Variants in DGKB observed in about 807,000 individuals in gnomAD.
DGKB encodes 90 kDa diacylglycerol kinase.
Under a neutral mutation model 114.3 loss-of-function variants are expected in DGKB, and 67 were observed. That is an observed-to-expected ratio of 0.59 (90% confidence interval 0.48 to 0.72). DGKB has a LOEUF of 0.72. Among genes scored for constraint, DGKB ranks in the 30% least tolerant of loss-of-function variants. DGKB has a pLI of 0.00. For missense variants in DGKB, 907 were observed against 975.2 expected, an observed-to-expected ratio of 0.93 and a Z score of 0.93; for synonymous variants, 398 against 323.1, an observed-to-expected ratio of 1.23 and a Z score of -2.49.
intron 20 of DGKB, among the ~76,000 whole-genome samples, chr7:14,490,654 AACTTCTTCCAGTTGTC>A (rs1784471413): frequency 1.3e-5 from 2 of 152,172 alleles, no homozygotes; most frequent in African/African-American, 4.8e-5. Flanking sequence ...GCTTTGAACT[AACTTCTTCCAGTTGTC>A]CTGGGAAAAG....
intron 2 of DGKB, among the ~76,000 whole-genome samples, chr7:14,834,866 G>A (rs1846934162): frequency 6.6e-6 from 1 of 152,026 alleles, no homozygotes; most frequent in South Asian, 2.1e-4. Flanking sequence ...CCAAAGTTTT[G>A]CATCTTTAGG....
At chr7:14,727,357 T>C (rs1262918460) in intron 5 of DGKB, among the ~76,000 whole-genome samples, 1 of 152,174 alleles carries the variant, frequency 6.6e-6, no homozygotes, top group African/African-American at 2.4e-5. Context: ...GCAGTAATTA[T>C]GTTAAAAACA....
At chr7:14,757,543 T>G in intron 3 of DGKB, 112 bp downstream of exon 3, 1 of 608,034 alleles carries the variant, frequency 1.6e-6, no homozygotes, top group Non-Finnish European at 2.9e-6. Context: ...AATGTATATG[T>G]GTACATATAC....
At chr7:14,871,944 T>C (rs1378094527) in intron 1 of DGKB, among the ~76,000 whole-genome samples, 1 of 152,178 alleles carries the variant, frequency 6.6e-6, no homozygotes, top group African/African-American at 2.4e-5. Context: ...CTGAAGTTTT[T>C]TGCTAAAGCT....
chr7:14,226,917 C>G (rs186220807), intron 23 of DGKB, among the ~76,000 whole-genome samples: 2 of 152,118 alleles, frequency 1.3e-5, no homozygotes, highest in East Asian at 3.9e-4. Context: ...TCTCATTTAT[C>G]TATTTAATGG....
chr7:14,508,751 G>C (rs1197326937), intron 20 of DGKB, among the ~76,000 whole-genome samples: 1 of 152,138 alleles, frequency 6.6e-6, no homozygotes, highest in Non-Finnish European at 1.5e-5. Context: ...TTGTGGTATA[G>C]ATGACCTATT....
At chr7:14,688,187 C>G (rs767703069) in intron 9 of DGKB, among the ~76,000 whole-genome samples, 9 of 152,102 alleles carry the variant, frequency 5.9e-5, no homozygotes, top group African/African-American at 4.8e-5. Context: ...TTTCTATCAG[C>G]CAGTAGAGCA....
At chr7:14,671,215 G>A (rs1156372451) in intron 13 of DGKB, among the ~76,000 whole-genome samples, 1 of 152,048 alleles carries the variant, frequency 6.6e-6, no homozygotes, top group East Asian at 1.9e-4. Flanking sequence ...CACCGACATG[G>A]GCATGTCGAC....
At chr7:14,885,995 T>C (rs930760844) in intron 1 of DGKB, among the ~76,000 whole-genome samples, 1 of 151,696 alleles carries the variant, frequency 6.6e-6, no homozygotes, top group Non-Finnish European at 1.5e-5. Context: ...AGCAAGAACA[T>C]GGGAAAATCA....
At chr7:14,778,635 T>C (rs1335242438) in intron 2 of DGKB, among the ~76,000 whole-genome samples, 1 of 152,176 alleles carries the variant, frequency 6.6e-6, no homozygotes. Flanking sequence ...TGAGGTCTCA[T>C]GCAAAGTTTA....
At chr7:14,813,161 A>G (rs1352903754) in intron 2 of DGKB, among the ~76,000 whole-genome samples, 1 of 152,182 alleles carries the variant, frequency 6.6e-6, no homozygotes, top group Non-Finnish European at 1.5e-5. Flanking sequence ...AACCAGAACT[A>G]TTCAAAGGAC....
At chr7:14,647,657 G>C (rs1273159530) in intron 13 of DGKB, among the ~76,000 whole-genome samples, 1 of 152,090 alleles carries the variant, frequency 6.6e-6, no homozygotes, top group African/African-American at 2.4e-5. Flanking sequence ...TGGCCGAATA[G>C]TAACAGCTCG....
At chr7:14,331,931 G>A (rs1343587349) in intron 23 of DGKB, among the ~76,000 whole-genome samples, 1 of 152,130 alleles carries the variant, frequency 6.6e-6, no homozygotes, top group Non-Finnish European at 1.5e-5. Context: ...AGTGCATAGA[G>A]AGATCAAATA....
Position 14,855,987 on chromosome 7 carries a change from G to GTATATATA in DGKB, c.-187-14545_-187-14538dup, listed in dbSNP as rs3036251. Among the ~76,000 whole-genome samples, 566 of 143,796 alleles carry GTATATATA rather than the reference G, an allele frequency of 3.9e-3. 3 individuals are homozygous for GTATATATA. The highest frequency in any genetic ancestry group is 6.9e-3 in the Non-Finnish European group (458 of 66,612). 94.3% of individuals were successfully genotyped at this position (143,796 alleles called of 152,430 possible). On this transcript the variant is annotated intron_variant, in intron 1 of 25. Transcript: ENST00000402815. The stretch of plus-strand genomic sequence containing the variant: ...GACAATATGCTAATTTAGATAATGT[G>GTATATATA]TATATATATATATATACACACACAC...
intron 1 of DGKB, among the ~76,000 whole-genome samples, chr7:14,864,489 C>A (rs1176066273): frequency 1.3e-5 from 2 of 151,956 alleles, no homozygotes; most frequent in South Asian, 2.1e-4. Context: ...ACAATATTTG[C>A]CCTTGAAAAT....
At position 14,237,531 on chromosome 7, in the gene DGKB, T is replaced by C. The variant is rs370151560; in HGVS notation, c.2123-59380A>G. ...ATGTGAGAGCACAGTCTTGAGTAAGTATAGATAATATATATTTTATTATAA... is the reference window on the plus strand; with the variant it reads ...ATGTGAGAGCACAGTCTTGAGTAAGCATAGATAATATATATTTTATTATAA... On this transcript the variant is annotated intron_variant, in intron 23 of 25. Coordinates refer to ENST00000402815, the MANE Select transcript of DGKB (RefSeq NM_001350709.2). 5.9e-5 allele frequency among the ~76,000 whole-genome samples: 9 copies of C among 151,912 alleles called. No homozygotes were observed. In the East Asian group the frequency reaches 1.5e-3, roughly 26 times the overall value.
At chr7:14,536,697 T>C (rs1584656764) in intron 20 of DGKB, among the ~76,000 whole-genome samples, 2 of 152,164 alleles carry the variant, frequency 1.3e-5, no homozygotes, top group African/African-American at 2.4e-5. Flanking sequence ...TGGTCACATA[T>C]GAATATCCTA....
intron 2 of DGKB, among the ~76,000 whole-genome samples, chr7:14,838,239 G>A (rs750813360): frequency 9.9e-5 from 15 of 152,074 alleles, no homozygotes; most frequent in Non-Finnish European, 1.9e-4. Flanking sequence ...ATACACTGAA[G>A]AATTTAGTAG....
At chr7:14,712,147 G>A (rs1827460671) in intron 6 of DGKB, among the ~76,000 whole-genome samples, 1 of 152,058 alleles carries the variant, frequency 6.6e-6, no homozygotes, top group Non-Finnish European at 1.5e-5. Context: ...AGGAAAAAGT[G>A]GGAAAAATCT....
Sources: gnomAD v4.1 joint callset for allele counts (sites outside exome capture counted in the v4.1 genomes callset) on GRCh38, gnomAD v4.1.1 for gene constraint, MANE v1.5 for transcripts, NCBI Gene and HGNC (gene_info 2026-07-23, HGNC 2026-07-21) for gene names.